The following CAMTA1 variants were observed in gnomAD, a reference collection of about 807,000 sequenced individuals.
The protein encoded by CAMTA1 is calmodulin binding transcription activator 1, also known as calmodulin-binding transcription activator 1.
CAMTA1 carries 27 observed loss-of-function variants against 170.9 expected under a neutral mutation model. That is an observed-to-expected ratio of 0.16 (90% confidence interval 0.12 to 0.22). The LOEUF is 0.22. Among genes scored for constraint, CAMTA1 ranks in the 10% least tolerant of loss-of-function variants. The probability of loss-of-function intolerance (pLI) is 1.00; values close to 1 mark genes in which losing one functional copy is unlikely to be tolerated. For synonymous variants in CAMTA1, 833 were observed against 891.5 expected (o/e 0.93, Z 1.17); for missense variants, 1,619 against 2,217.2 (o/e 0.73, Z 5.42).
At chr1:7,493,115 C>T (rs562664719) in intron 6 of CAMTA1, among the ~76,000 whole-genome samples, 5 of 136,756 alleles carry the variant, frequency 3.7e-5, no homozygotes, top group East Asian at 2.3e-4. Context: ...TACATACACA[C>T]ACGCGCACAC....
At chr1:7,436,680 G>C (rs559341901) in intron 5 of CAMTA1, among the ~76,000 whole-genome samples, 1 of 152,230 alleles carries the variant, frequency 6.6e-6, no homozygotes, top group Admixed American at 6.5e-5. Flanking sequence ...TGCCCTTCCC[G>C]GGCCTGTGGC....
rs532074871 is a variant in CAMTA1 at position 7,390,068 on chromosome 1, G to A, written c.439-77762G>A. On this transcript the variant is annotated intron_variant, in intron 5 of 22. Coordinates refer to ENST00000303635, the MANE Select transcript of CAMTA1 (RefSeq NM_015215.4). ...CATCTTTACCTGCCGCTTCCCTGCC[G>A]GACGGCTCTGGGTGCAGGAGCCAAG... 2.4e-4 allele frequency among the ~76,000 whole-genome samples: 36 copies of A among 152,232 alleles called. No individual in the cohort carries two copies. In the South Asian group the frequency reaches 3.3e-3, roughly 14 times the overall value.
intron 5 of CAMTA1, among the ~76,000 whole-genome samples, chr1:7,359,288 AGT>A (rs1236952578): frequency 6.6e-6 from 1 of 152,104 alleles, no homozygotes; most frequent in Admixed American, 6.5e-5. Flanking sequence ...GGGCATGCTG[AGT>A]GGGTCCTAGG....
intron 1 of CAMTA1, among the ~76,000 whole-genome samples, chr1:6,793,711 T>TAG (rs933403471): frequency 6.6e-6 from 1 of 151,956 alleles, no homozygotes; most frequent in East Asian, 1.9e-4. Flanking sequence ...TCTTTCAACG[T>TAG]AGAGAGAGAG....
intron 3 of CAMTA1, among the ~76,000 whole-genome samples, chr1:6,854,116 C>T (rs569472418): frequency 2.6e-5 from 4 of 152,216 alleles, no homozygotes; most frequent in South Asian, 2.1e-4. Context: ...TGCTTCATAA[C>T]GATGTTTCAG....
intron 5 of CAMTA1, among the ~76,000 whole-genome samples, chr1:7,408,916 C>T (rs1302962197): frequency 2.0e-5 from 3 of 152,198 alleles, no homozygotes; most frequent in Non-Finnish European, 4.4e-5. Flanking sequence ...GTCTGCTCAG[C>T]GCCAGCCAGG....
In CAMTA1 at chr1:7,395,389, GATTT is replaced by G. The variant is rs570743647; in HGVS notation, c.439-72436_439-72433del. On this transcript the variant is annotated intron_variant, in intron 5 of 22. Transcript: ENST00000303635. ...AAAATTGGTTCCCTGTAAGTACACAGATTTATTTCTGTGTTCTCTATTCTGTTCC... is the reference window on the plus strand; with the variant it reads ...AAAATTGGTTCCCTGTAAGTACACAGATTTCTGTGTTCTCTATTCTGTTCC... 5.8e-3 allele frequency among the ~76,000 whole-genome samples: 879 copies of G among 152,256 alleles called. 6 individuals carry two copies. The highest frequency in any genetic ancestry group is 9.2e-3 in the Non-Finnish European group (627 of 68,020).
At chr1:7,210,597 C>T (rs1353820878) in intron 4 of CAMTA1, among the ~76,000 whole-genome samples, 2 of 152,126 alleles carry the variant, frequency 1.3e-5, no homozygotes, top group Non-Finnish European at 2.9e-5. Context: ...GCTTGTATTT[C>T]ATTAAACTTT....
At chr1:7,655,386 G>A (rs1275799125) in intron 7 of CAMTA1, among the ~76,000 whole-genome samples, 1 of 111,580 alleles carries the variant, frequency 9.0e-6, no homozygotes, top group African/African-American at 3.6e-5. Flanking sequence ...ACACACACAC[G>A]TATGCACACA....
At chr1:7,038,838 G>A (rs1315722312) in intron 3 of CAMTA1, among the ~76,000 whole-genome samples, 3 of 152,158 alleles carry the variant, frequency 2.0e-5, no homozygotes, top group South Asian at 2.1e-4. Context: ...TCAGGAGTTC[G>A]AGACCAGTAT....
At position 7,195,367 on chromosome 1, in the gene CAMTA1, C is replaced by T. The variant is rs1312646075; in HGVS notation, c.303-54124C>T. 1.3e-5 allele frequency among the ~76,000 whole-genome samples: 2 copies of T among 152,178 alleles called. No individual in the cohort carries two copies. The highest frequency in any genetic ancestry group is 4.8e-5 in the African/African-American group (2 of 41,446). On this transcript the variant is annotated intron_variant, in intron 4 of 22. Transcript: ENST00000303635. The surrounding 1 kb of genome is among the most constrained non-coding windows in gnomAD (Gnocchi z 4.1). ...GTCCAAGTGTTGCTATACACATTCT[C>T]TGCTTGTCTTGGCTATTTGGAAGCA... is the stretch of plus-strand genomic sequence containing the variant.
chr1:7,542,874 TG>T (rs2094633395), intron 6 of CAMTA1, among the ~76,000 whole-genome samples: 2 of 139,420 alleles, frequency 1.4e-5, no homozygotes, highest in African/African-American at 6.1e-5. Context: ...TGTGTGTGTG[TG>T]TGTGTTTGAG....
At chr1:7,708,291 A>G (rs925975234) in intron 11 of CAMTA1, among the ~76,000 whole-genome samples, 3 of 152,040 alleles carry the variant, frequency 2.0e-5, no homozygotes, top group Non-Finnish European at 2.9e-5. Context: ...TGATTGTGCC[A>G]TTGCACTCCA....
At chr1:7,704,346 G>A (rs1240644876) in intron 11 of CAMTA1, among the ~76,000 whole-genome samples, 1 of 145,960 alleles carries the variant, frequency 6.9e-6, no homozygotes, top group East Asian at 2.0e-4. Context: ...CGGGCAGCGG[G>A]CGCAGCCGTC....
chr1:7,213,302 CT>C (rs760900606), intron 4 of CAMTA1, among the ~76,000 whole-genome samples: 9 of 152,158 alleles, frequency 5.9e-5, no homozygotes, highest in Non-Finnish European at 1.3e-4. Context: ...TTTAGCTCCC[CT>C]GACAGGTGTG....
At chr1:6,899,418 A>G (rs968084294) in intron 3 of CAMTA1, among the ~76,000 whole-genome samples, 1 of 152,264 alleles carries the variant, frequency 6.6e-6, no homozygotes, top group Non-Finnish European at 1.5e-5. Context: ...CAATCAGACC[A>G]AACAGTGTGA....
chr1:7,558,555 C>A (rs1261121653), intron 6 of CAMTA1, among the ~76,000 whole-genome samples: 1 of 152,254 alleles, frequency 6.6e-6, no homozygotes, highest in African/African-American at 2.4e-5. Flanking sequence ...TCCAAAGTTG[C>A]CTGCTCGGAT....
intron 3 of CAMTA1, among the ~76,000 whole-genome samples, chr1:7,069,643 G>C (rs1638339871): frequency 6.6e-6 from 1 of 152,082 alleles, no homozygotes; most frequent in African/African-American, 2.4e-5. Context: ...CGTGAGGGGA[G>C]AGGAACAAGA....
At chr1:7,095,678 A>G (rs2148182759) in intron 4 of CAMTA1, among the ~76,000 whole-genome samples, 1 of 152,372 alleles carries the variant, frequency 6.6e-6, no homozygotes, top group East Asian at 1.9e-4. Context: ...ACCAGGCTCC[A>G]GGCAAAGGTT....
Sources: gnomAD v4.1 joint callset for allele counts (sites outside exome capture counted in the v4.1 genomes callset) on GRCh38, gnomAD v4.1.1 for gene constraint, Gnocchi (gnomAD v3.1) non-coding constraint, MANE v1.5 for transcripts, NCBI Gene and HGNC (gene_info 2026-07-23, HGNC 2026-07-21) for gene names.